Variants in FARP1 observed in about 807,000 individuals in gnomAD.
FARP1 encodes the protein FERM, ARH/RhoGEF and pleckstrin domain protein 1.
In FARP1, 52 loss-of-function variants were observed where a neutral mutation model predicts 128.8. The observed-to-expected ratio is 0.40, with a 90% CI of 0.32 to 0.51. The LOEUF (loss-of-function observed/expected upper bound fraction) is 0.51. Among genes scored for constraint, FARP1 ranks in the 20% least tolerant of loss-of-function variants. FARP1 has a pLI of 0.45. For synonymous variants in FARP1, 580 were observed against 551.8 expected, an observed-to-expected ratio of 1.05 and a Z score of -0.72; for missense variants, 1,333 against 1,367.9, an observed-to-expected ratio of 0.97 and a Z score of 0.40.
At chr13:98,423,817 A>T (rs1369686403) in intron 16 of FARP1, among the ~76,000 whole-genome samples, 1 of 152,166 alleles carries the variant, frequency 6.6e-6, no homozygotes, top group South Asian at 2.1e-4. Flanking sequence ...TACTTAGTAA[A>T]TACTCACTAC....
intron 2 of FARP1, among the ~76,000 whole-genome samples, chr13:98,256,948 G>GGGATAT (rs59128917): frequency 3.9e-5 from 3 of 77,076 alleles, no homozygotes; most frequent in Admixed American, 1.6e-4. Context: ...TATATATGTG[G>GGGATAT]ATATATATAT....
chr13:98,228,374 A>G (rs1375335724), intron 2 of FARP1, among the ~76,000 whole-genome samples: 3 of 152,268 alleles, frequency 2.0e-5, no homozygotes, highest in African/African-American at 7.2e-5. Context: ...AAATAAAAAG[A>G]AAAAGGAAAA....
chr13:98,222,776 C>T (rs1477026799), intron 2 of FARP1, among the ~76,000 whole-genome samples: 4 of 150,694 alleles, frequency 2.7e-5, no homozygotes, highest in Non-Finnish European at 4.4e-5. Flanking sequence ...TGCAGGCGTG[C>T]ACCACCATGC....
At chr13:98,294,456 G>A (rs1885576687) in intron 2 of FARP1, among the ~76,000 whole-genome samples, 1 of 152,086 alleles carries the variant, frequency 6.6e-6, no homozygotes, top group Non-Finnish European at 1.5e-5. Context: ...GTCATGCAGT[G>A]AACTAAGAGT....
rs147648057 is a variant in FARP1 at position 98,439,130 on chromosome 13, G to A, written c.2367G>A (p.Thr789=). The A allele has an allele frequency of 1.9e-6, 3 of 1,613,784 alleles. No homozygotes were observed. The highest frequency in any genetic ancestry group is 1.3e-5 in the African/African-American group (1 of 74,936). The change falls in exon 21 of 27, where the codon ACG becomes ACA. Residue 789 remains threonine, a synonymous_variant. Coordinates refer to ENST00000319562, the MANE Select transcript of FARP1 (RefSeq NM_005766.4). ...FFLFNDVLLY[T]SRGLTASNQF... ...AGTTCAACGACGTCCTGCTATACAC[G>A]AGCCGGGGGCTGACGGCCTCCAATC... is the stretch of plus-strand genomic sequence containing the variant.
At position 98,176,545 on chromosome 13, in the gene FARP1, T is replaced by C; in HGVS notation, c.-24+33053T>C. ...CTCGCAGATACAGTAGCGACCCTCT[T>C]CAAGCTCCCGTTCAATCTCCCACCC... On this transcript the variant is annotated intron_variant, in intron 1 of 26. Transcript: ENST00000319562. This position sits in a 1 kb window ranked among gnomAD's most constrained non-coding sequence, Gnocchi z 6.2. 1.2e-6 allele frequency: 2 copies of C among 1,614,196 alleles called. No homozygotes were observed. The highest frequency in any genetic ancestry group is 1.7e-6 in the Non-Finnish European group (2 of 1,180,036).
intron 16 of FARP1, among the ~76,000 whole-genome samples, chr13:98,416,145 T>G (rs188350733): frequency 2.0e-5 from 3 of 152,382 alleles, no homozygotes; most frequent in African/African-American, 7.2e-5. Flanking sequence ...CGTTAACATC[T>G]TATGTCACCA....
chr13:98,329,796 C>G (rs1887409104), intron 2 of FARP1: 1 of 152,122 alleles, frequency 6.6e-6, no homozygotes, highest in African/African-American at 2.4e-5. Flanking sequence ...TTCAGCAAAT[C>G]TTTATGAGCA....
intron 2 of FARP1, among the ~76,000 whole-genome samples, chr13:98,311,517 C>A (rs1255975741): frequency 1.3e-5 from 2 of 152,124 alleles, no homozygotes; most frequent in African/African-American, 4.8e-5. Context: ...CAGTTGAGAG[C>A]AAGGAAAATC....
At chr13:98,253,054 C>A (rs187814386) in intron 2 of FARP1, among the ~76,000 whole-genome samples, 1 of 152,314 alleles carries the variant, frequency 6.6e-6, no homozygotes, top group African/African-American at 2.4e-5. Flanking sequence ...TGGTGGCACC[C>A]ATACTCAAAG....
At chr13:98,395,585 G>C (rs1418081552) in intron 13 of FARP1, 109 bp downstream of exon 13, 2 of 1,328,278 alleles carry the variant, frequency 1.5e-6, no homozygotes, top group South Asian at 1.5e-5. Flanking sequence ...TCCCGATCCC[G>C]GTCCCGATCC....
chr13:98,453,116 A>G lies in FARP1; in HGVS notation c.*4799A>G. The G allele has an allele frequency of 6.3e-7, 1 of 1,598,350 alleles. No homozygotes were observed. The highest frequency in any genetic ancestry group is 1.7e-5 in the Admixed American group (1 of 59,456). On this transcript the variant is annotated 3_prime_UTR_variant, in exon 27 of 27. Coordinates refer to ENST00000319562, the MANE Select transcript of FARP1 (RefSeq NM_005766.4). ...GAAGGCTCTCGTTGACTTTTAAAAAAGGAGGAGGATGAAGAAGGAAAAAAG... is the reference window on the plus strand; with the variant it reads ...GAAGGCTCTCGTTGACTTTTAAAAAGGGAGGAGGATGAAGAAGGAAAAAAG...
chr13:98,383,921 T>G (rs1889986151), intron 6 of FARP1: 1 of 152,226 alleles, frequency 6.6e-6, no homozygotes, highest in African/African-American at 2.4e-5. Flanking sequence ...ATAATTTTTT[T>G]AAGCATTAGA....
At chr13:98,265,938 C>T (rs1266855538) in intron 2 of FARP1, among the ~76,000 whole-genome samples, 5 of 152,090 alleles carry the variant, frequency 3.3e-5, no homozygotes, top group African/African-American at 7.2e-5. Context: ...TGTGACTTGC[C>T]GCAAAAGTTC....
At chr13:98,154,245 C>T (rs1876336546) in intron 1 of FARP1, among the ~76,000 whole-genome samples, 1 of 152,202 alleles carries the variant, frequency 6.6e-6, no homozygotes, top group South Asian at 2.1e-4. Context: ...CTCTCACATA[C>T]AGATTTTGAT....
rs544721195 is a variant in FARP1, at chr13:98,147,657, C to T, written c.-24+4165C>T. On this transcript the variant is annotated intron_variant, in intron 1 of 26. Transcript: ENST00000319562. ...AGTATAGTATCTGAATATAGCAAAC[C>T]CTTGGTAAATTATTGTGTTCTGTTT... Among the ~76,000 whole-genome samples the T allele has an allele frequency of 4.0e-5, 6 of 151,388 alleles. No individual in the cohort carries two copies. The South Asian group carries it at 8.4e-4, about 21-fold the overall frequency.
chr13:98,343,702 C>A (rs1888064040), intron 2 of FARP1, 60 bp from the exon 3 acceptor site: 6 of 1,152,810 alleles, frequency 5.2e-6, no homozygotes, highest in South Asian at 1.2e-5. Flanking sequence ...CAGCGAGGAG[C>A]TGTGGTTTGT....
At chr13:98,375,953 C>G (rs1889563431) in intron 5 of FARP1, among the ~76,000 whole-genome samples, 2 of 152,096 alleles carry the variant, frequency 1.3e-5, no homozygotes, top group Admixed American at 6.6e-5. Flanking sequence ...AATCTGATTG[C>G]AAAGGGTGCT....
At chr13:98,274,474 T>C (rs1194284957) in intron 2 of FARP1, among the ~76,000 whole-genome samples, 1 of 152,098 alleles carries the variant, frequency 6.6e-6, no homozygotes, top group Admixed American at 6.6e-5. Flanking sequence ...TGCAATTACT[T>C]TTGCACCAAC....
Sources: gnomAD v4.1 joint callset for allele counts (sites outside exome capture counted in the v4.1 genomes callset) on GRCh38, gnomAD v4.1.1 for gene constraint, Gnocchi (gnomAD v3.1) non-coding constraint, MANE v1.5 for transcripts, NCBI Gene and HGNC (gene_info 2026-07-23, HGNC 2026-07-21) for gene names.